The following TBXT variants were observed in gnomAD, a reference collection of about 807,000 sequenced individuals.
The protein encoded by TBXT is T brachyury transcription factor.
TBXT carries 19 observed loss-of-function variants against 41.1 expected under a neutral mutation model. The ratio of observed to expected loss-of-function variants is 0.46; its 90% CI spans 0.32 to 0.68. TBXT has a LOEUF of 0.68. TBXT is among the 30% of genes least tolerant of loss of function. The pLI, the probability that TBXT is intolerant of heterozygous loss-of-function variation, is 0.03. For missense variants in TBXT, 536 were observed against 582.0 expected (o/e 0.92, Z 0.81); for synonymous variants, 213 against 238.9 (o/e 0.89, Z 1.00).
intron 3 of TBXT, 113 bp downstream of exon 3, chr6:166,165,593 A>G: frequency 8.5e-6 from 13 of 1,531,286 alleles, no homozygotes; most frequent in Non-Finnish European, 1.2e-5. Flanking sequence ...AAAGGGCAGG[A>G]AGCCTTCCTC....
At chr6:166,167,986 G>T, upstream of TBXT, 1 of 287,964 alleles carries the variant, frequency 3.5e-6, no homozygotes, top group Non-Finnish European at 6.7e-6. Context: ...ATCAGACCCA[G>T]CCGGGCGGGT....
At position 166,157,773 on chromosome 6, in the gene TBXT, T is replaced by G. The variant is rs550567543; in HGVS notation, c.*542A>C. On this transcript the variant is annotated 3_prime_UTR_variant, in exon 8 of 8. Transcript: ENST00000366876. ...AACAACACAAGAGATTAGCTACATA[T>G]GCTTAAAATACACACATTCTAGGGG... 6.3e-6 allele frequency: 1 copy of G among 159,362 alleles called. No individual in the cohort carries two copies. Among genetic ancestry groups the G allele is most frequent in the South Asian group, 1.9e-4 (1 of 5,392 alleles). 9.9% of individuals were successfully genotyped at this position (159,362 alleles called of 1,614,324 possible). A position where few individuals can be genotyped will look rare whatever the true frequency, so the allele number is the denominator to read the frequency against.
chr6:166,164,055 G>C (rs914193851), intron 5 of TBXT, among the ~76,000 whole-genome samples: 4 of 152,212 alleles, frequency 2.6e-5, no homozygotes, highest in African/African-American at 9.6e-5. Flanking sequence ...GGATGAGAGA[G>C]AGCGTTTCTC....
chr6:166,159,719 T>C (rs1195884339), intron 7 of TBXT, among the ~76,000 whole-genome samples: 1 of 152,262 alleles, frequency 6.6e-6, no homozygotes, highest in Non-Finnish European at 1.5e-5. Flanking sequence ...TGTATCACCA[T>C]ACTGTTTTAA....
chr6:166,163,227 T>A (rs1779012380), intron 5 of TBXT, among the ~76,000 whole-genome samples: 1 of 152,166 alleles, frequency 6.6e-6, no homozygotes, highest in South Asian at 2.1e-4. Flanking sequence ...CTTCTCCTCC[T>A]GCCACCCACA....
intron 7 of TBXT, among the ~76,000 whole-genome samples, chr6:166,159,347 G>T (rs1224090767): frequency 6.6e-6 from 1 of 151,120 alleles, no homozygotes. Context: ...ATGAAGACCA[G>T]CCTCTCCTCA....
chr6:166,166,935 TCA>T (rs1779136331), intron 1 of TBXT, 79 bp from the exon 2 acceptor site: 1 of 1,603,924 alleles, frequency 6.2e-7, no homozygotes, highest in East Asian at 2.2e-5. Context: ...CACAGAGGCC[TCA>T]GTTATTTCGG....
chr6:166,160,757 G>T, intron 7 of TBXT, 80 bp downstream of exon 7: 1 of 1,593,506 alleles, frequency 6.3e-7, no homozygotes, highest in South Asian at 1.1e-5. Context: ...AAGGACTAAG[G>T]GCCTATGGGA....
At chr6:166,166,500 C>A (rs1779119130) in intron 2 of TBXT, 92 bp downstream of exon 2, 6 of 1,597,348 alleles carry the variant, frequency 3.8e-6, no homozygotes, top group Non-Finnish European at 5.1e-6. Context: ...GCCTCCCGTT[C>A]AAGCAGCGTC....
At chr6:166,166,440 C>A in intron 2 of TBXT, 152 bp downstream of exon 2, 2 of 1,244,592 alleles carry the variant, frequency 1.6e-6, no homozygotes, top group Non-Finnish European at 2.3e-6. Flanking sequence ...ATAAACAGCG[C>A]TAAAGGCCTT....
Position 166,158,541 on chromosome 6 carries a change from C to T in TBXT, c.1085G>A (p.Gly362Asp). The change falls in exon 8 of 8, where the codon GGC (glycine) becomes GAC (aspartate). Residue 362 changes from glycine (G) to aspartate (D), a missense_variant. Gly to Asp is a moderately conservative substitution (Grantham distance 94). Coordinates refer to ENST00000366876, the MANE Select transcript of TBXT (RefSeq NM_001366285.2). Reference protein sequence around the residue: ...WSVSNGAVTPGSQAAAVSNGL... With the variant: ...WSVSNGAVTPDSQAAAVSNGL... The stretch of plus-strand genomic sequence containing the variant: ...GTTGGACACGGCTGCTGCCTGGGAG[C>T]CCGGGGTGACGGCGCCGTTGCTCAC... 1 of 1,597,440 alleles carries T rather than the reference C, an allele frequency of 6.3e-7. No individual in the cohort carries two copies. The highest frequency in any genetic ancestry group is 8.6e-7 in the Non-Finnish European group (1 of 1,168,398).
chr6:166,162,740 G>A (rs1326973680), intron 5 of TBXT, 117 bp from the exon 6 acceptor site: 2 of 726,034 alleles, frequency 2.8e-6, no homozygotes, highest in Admixed American at 2.2e-5. Context: ...GCCCAGGCCA[G>A]GGACTCTCCC....
In TBXT at chr6:166,164,635, C is replaced by T. The variant is rs537568755; in HGVS notation, c.700G>A (p.Gly234Arg). Residue 234 changes from glycine to arginine, a missense_variant, in exon 5 of 8, where the codon GGA becomes AGA. Coordinates refer to ENST00000366876, the MANE Select transcript of TBXT (RefSeq NM_001366285.2). ...SDHKEMMEEP[G>R]DSQQPGYSQS... Reference sequence around the variant, plus strand: ...GAGTACCCAGGTTGCTGGCTGTCTCCGGGTTCCTCCATCATCTCTTTGTGA... The same window carrying T: ...GAGTACCCAGGTTGCTGGCTGTCTCTGGGTTCCTCCATCATCTCTTTGTGA... 15 of 1,613,946 alleles carry T rather than the reference C, an allele frequency of 9.3e-6. No homozygotes were observed. Among genetic ancestry groups the T allele is most frequent in the South Asian group, 3.3e-5 (3 of 91,070 alleles).
At chr6:166,164,029 T>A (rs1779036980) in intron 5 of TBXT, among the ~76,000 whole-genome samples, 1 of 152,142 alleles carries the variant, frequency 6.6e-6, no homozygotes, top group African/African-American at 2.4e-5. Context: ...CTTCCCCGGG[T>A]GGAGAGGACG....
chr6:166,165,876 A>G (rs760846879), intron 2 of TBXT, 36 bp from the exon 3 acceptor site: 4 of 1,613,618 alleles, frequency 2.5e-6, no homozygotes, highest in African/African-American at 2.7e-5. Flanking sequence ...TGGCACTGAA[A>G]GGCCTGCGTT....
chr6:166,165,970 G>A, intron 2 of TBXT, 130 bp from the exon 3 acceptor site: 1 of 1,409,250 alleles, frequency 7.1e-7, no homozygotes, highest in East Asian at 2.3e-5. Flanking sequence ...GGGAAGTGGG[G>A]TTCCACCAGG....
intron 1 of TBXT, 118 bp downstream of exon 1, chr6:166,167,268 C>T: frequency 8.4e-7 from 1 of 1,197,552 alleles, no homozygotes; most frequent in East Asian, 2.5e-5. Context: ...AGAGCGGGAA[C>T]AAACACAAAG....
In TBXT at chr6:166,165,802, G is replaced by A. The variant is rs1295930821; in HGVS notation, c.510C>T (p.Ile170=). ...LNSLHKYEPR[I]HIVRVGGPQR... is the part of the protein sequence containing the mutation. ...GTGGACCCCCAACTCTCACTATGTG[G>A]ATTCGAGGCTCATACTTATGCAAGG... is the stretch of plus-strand genomic sequence containing the variant. Residue 170 remains isoleucine, a synonymous_variant, in exon 3 of 8, where the codon ATC becomes ATT. Transcript: ENST00000366876. The A allele has an allele frequency of 3.1e-6, 5 of 1,614,078 alleles. No homozygotes were observed. The highest frequency in any genetic ancestry group is 4.2e-6 in the Non-Finnish European group (5 of 1,180,040).
rs146011277 is a variant in TBXT at position 166,162,023 on chromosome 6, G to A, written c.907+424C>T. On this transcript the variant is annotated intron_variant, in intron 6 of 7. Coordinates refer to ENST00000366876, the MANE Select transcript of TBXT (RefSeq NM_001366285.2). Reference sequence around the variant, plus strand: ...CACTCTCGGGTGGTGCTGAGGCTCTGGCCTGGGCACCGTATTTGGAGAATC... The same window carrying A: ...CACTCTCGGGTGGTGCTGAGGCTCTAGCCTGGGCACCGTATTTGGAGAATC... Among the ~76,000 whole-genome samples, 21 of 152,358 alleles carry A rather than the reference G, an allele frequency of 1.4e-4. 1 individual carries two copies. In the East Asian group the frequency reaches 4.1e-3, roughly 29 times the overall value.
Sources: allele counts gnomAD v4.1 joint callset (sites outside exome capture counted in the v4.1 genomes callset), GRCh38; gene constraint gnomAD v4.1.1; transcripts MANE v1.5; gene names NCBI Gene and HGNC (gene_info 2026-07-23, HGNC 2026-07-21).